Variants in NUP210L observed in about 807,000 individuals in gnomAD.
NUP210L encodes nuclear pore membrane glycoprotein 210-like.
In NUP210L, 74 loss-of-function variants were observed where a neutral mutation model predicts 208.5. That is an observed-to-expected ratio of 0.35 (90% CI 0.29 to 0.43). The LOEUF (loss-of-function observed/expected upper bound fraction) is 0.43. NUP210L is among the 20% of genes least tolerant of loss of function. The probability of loss-of-function intolerance (pLI) is 1.00; values close to 1 mark genes in which losing one functional copy is unlikely to be tolerated. For missense variants in NUP210L, 1,843 were observed against 2,289.4 expected (o/e 0.81, Z 3.98); for synonymous variants, 780 against 816.9 (o/e 0.95, Z 0.77).
At chr1:154,122,421 C>G (rs572087346) in intron 10 of NUP210L, among the ~76,000 whole-genome samples, 74 of 152,236 alleles carry the variant, frequency 4.9e-4, no homozygotes, top group African/African-American at 1.7e-3. Flanking sequence ...CTTTGGGAGG[C>G]CGAGGCAGGC....
intron 33 of NUP210L, among the ~76,000 whole-genome samples, chr1:154,016,920 C>G (rs578075585): frequency 2.0e-5 from 3 of 151,994 alleles, no homozygotes; most frequent in East Asian, 3.9e-4. Context: ...GAGCTGAGAT[C>G]ACACCACTGC....
At chr1:153,999,817 A>G (rs1477840507) in intron 37 of NUP210L, among the ~76,000 whole-genome samples, 1 of 150,568 alleles carries the variant, frequency 6.6e-6, no homozygotes, top group Non-Finnish European at 1.5e-5. Flanking sequence ...TAAACTGACA[A>G]CTATTCTTTT....
exon 40 of NUP210L, chr1:153,992,828 G>T (rs927557822): frequency 6.3e-7 from 1 of 1,575,798 alleles, no homozygotes; most frequent in Non-Finnish European, 8.6e-7. Flanking sequence ...ACTTGTCCAA[G>T]CAGAGGTTAG....
chr1:154,116,277 A>G, intron 12 of NUP210L, among the ~76,000 whole-genome samples: 3 of 135,734 alleles, frequency 2.2e-5, no homozygotes, highest in East Asian at 2.2e-4. Flanking sequence ...AAAAAAAATT[A>G]GTTGGGTGTG....
In NUP210L at chr1:154,141,526, TG is replaced by T; in HGVS notation, c.473-3del. The T allele has an allele frequency of 6.3e-7, 1 of 1,591,074 alleles. No individual in the cohort carries two copies. The highest frequency in any genetic ancestry group is 1.3e-5 in the African/African-American group (1 of 74,610). On this transcript the variant is annotated splice_region_variant and splice_polypyrimidine_tract_variant and intron_variant, in intron 3 of 39. Coordinates refer to ENST00000368559, the Ensembl canonical transcript of NUP210L. ...CTGCCAAACTACTAAAAGTATTTCC[TG>T]TAGAGCAAGCCAAAAGCAGACAAGA...
At chr1:154,085,701 A>G (rs1403351575) in intron 16 of NUP210L, among the ~76,000 whole-genome samples, 1 of 152,190 alleles carries the variant, frequency 6.6e-6, no homozygotes, top group Non-Finnish European at 1.5e-5. Context: ...TGCAAAATTC[A>G]TACTTCCCAA....
chr1:154,097,487 T>G (rs1227862024), intron 14 of NUP210L, among the ~76,000 whole-genome samples: 5 of 152,102 alleles, frequency 3.3e-5, no homozygotes, highest in Non-Finnish European at 7.3e-5. Flanking sequence ...AAAAACCTAA[T>G]GGAACTTTAC....
intron 35 of NUP210L, among the ~76,000 whole-genome samples, chr1:154,003,116 T>A (rs1237172219): frequency 1.3e-5 from 2 of 151,596 alleles, no homozygotes; most frequent in African/African-American, 4.8e-5. Flanking sequence ...GCTCAAGTAA[T>A]CCTCCCACCT....
intron 16 of NUP210L, among the ~76,000 whole-genome samples, chr1:154,081,420 G>C (rs1383042032): frequency 6.6e-6 from 1 of 152,136 alleles, no homozygotes; most frequent in Non-Finnish European, 1.5e-5. Context: ...TAAACCTTTG[G>C]AATTTCTTGA....
At chr1:154,102,754 T>C (rs867810566) in intron 13 of NUP210L, among the ~76,000 whole-genome samples, 15 of 152,230 alleles carry the variant, frequency 9.9e-5, no homozygotes, top group Non-Finnish European at 1.8e-4. Context: ...ATGTTGACCG[T>C]TATTCATATT....
intron 15 of NUP210L, among the ~76,000 whole-genome samples, chr1:154,094,201 T>C (rs1321943033): frequency 4.6e-5 from 7 of 152,072 alleles, no homozygotes; most frequent in African/African-American, 1.7e-4. Context: ...GAGAATCTCT[T>C]GAACCCGGAA....
chr1:154,118,571 G>A (rs1358137625), intron 11 of NUP210L, 100 bp downstream of exon 11: 2 of 898,346 alleles, frequency 2.2e-6, no homozygotes, highest in African/African-American at 3.4e-5. Context: ...TATACTTTTA[G>A]GATTGGGAGG....
chr1:153,998,750 C>T (rs1324520627), intron 37 of NUP210L, among the ~76,000 whole-genome samples: 2 of 136,108 alleles, frequency 1.5e-5, no homozygotes, highest in African/African-American at 2.8e-5. Context: ...GACAGGGTCT[C>T]GTTTTGTCAC....
At chr1:154,127,705 C>T (rs1658056356) in intron 8 of NUP210L, among the ~76,000 whole-genome samples, 1 of 151,864 alleles carries the variant, frequency 6.6e-6, no homozygotes, top group African/African-American at 2.4e-5. Flanking sequence ...TGTGCGTTAC[C>T]ATGCATGCTC....
At chr1:154,057,653 G>C (rs1362466458) in intron 22 of NUP210L, among the ~76,000 whole-genome samples, 1 of 151,012 alleles carries the variant, frequency 6.6e-6, no homozygotes, top group African/African-American at 2.4e-5. Flanking sequence ...AATGACATGT[G>C]ACCTTAGCCC....
intron 2 of NUP210L, among the ~76,000 whole-genome samples, chr1:154,146,383 A>G (rs1303992832): frequency 6.6e-6 from 1 of 152,210 alleles, no homozygotes; most frequent in Non-Finnish European, 1.5e-5. Flanking sequence ...ATACTAGTTA[A>G]TAAGTATGGA....
At chr1:154,124,894 G>C (rs1268012992) in intron 10 of NUP210L, among the ~76,000 whole-genome samples, 1 of 152,114 alleles carries the variant, frequency 6.6e-6, no homozygotes, top group Non-Finnish European at 1.5e-5. Context: ...CGAGGCTGCA[G>C]GTAAGCTATG....
chr1:154,149,091 T>G (rs1659258742), intron 2 of NUP210L, among the ~76,000 whole-genome samples: 1 of 147,528 alleles, frequency 6.8e-6, no homozygotes, highest in East Asian at 2.0e-4. Flanking sequence ...ACTTCTCTTT[T>G]TTTTTTTTCC....
chr1:154,154,710 C>T (rs1285089722), intron 1 of NUP210L, 132 bp downstream of exon 1: 1 of 707,286 alleles, frequency 1.4e-6, no homozygotes, highest in African/African-American at 1.8e-5. Context: ...ACACCACACT[C>T]TCCTCCCCTA....
Sources: gnomAD v4.1 joint callset for allele counts (sites outside exome capture counted in the v4.1 genomes callset) on GRCh38, gnomAD v4.1.1 for gene constraint, MANE v1.5 for transcripts, NCBI Gene and HGNC (gene_info 2026-07-23, HGNC 2026-07-21) for gene names.